GLI2: variants seen among roughly 807,000 people sequenced by gnomAD.
The protein encoded by GLI2 is transcription activator GLI2.
Under a neutral mutation model 78.9 loss-of-function variants are expected in GLI2, and 22 were observed. The ratio of observed to expected loss-of-function variants is 0.28; its 90% CI spans 0.20 to 0.40. The LOEUF (loss-of-function observed/expected upper bound fraction) is 0.40. GLI2 is among the 10% of genes least tolerant of loss of function. The pLI is 1.00. For missense variants in GLI2, 2,097 were observed against 2,213.2 expected, an observed-to-expected ratio of 0.95 and a Z score of 1.05; for synonymous variants, 974 against 963.7, an observed-to-expected ratio of 1.01 and a Z score of -0.20.
intron 3 of GLI2, among the ~76,000 whole-genome samples, chr2:120,939,894 A>T (rs1680373600): frequency 6.6e-6 from 1 of 152,214 alleles, no homozygotes; most frequent in African/African-American, 2.4e-5. Context: ...AGAGTTTGAG[A>T]GCTGGCCTTG....
chr2:120,746,392 A>G (rs759148700), intron 1 of GLI2, among the ~76,000 whole-genome samples: 7 of 152,172 alleles, frequency 4.6e-5, no homozygotes, highest in Admixed American at 4.6e-4. Flanking sequence ...GCACCCCCCC[A>G]GAAGCTGCCC....
intron 2 of GLI2, among the ~76,000 whole-genome samples, chr2:120,906,741 G>C (rs184203824): frequency 6.6e-6 from 1 of 152,222 alleles, no homozygotes; most frequent in African/African-American, 2.4e-5. Context: ...CTTCTCCCCT[G>C]TGTCCCCTCT....
At chr2:120,750,620 A>G (rs1682837795) in intron 1 of GLI2, among the ~76,000 whole-genome samples, 1 of 152,200 alleles carries the variant, frequency 6.6e-6, no homozygotes, top group African/African-American at 2.4e-5. Context: ...TGGGCACGAT[A>G]TATTTGGCAG....
intron 2 of GLI2, among the ~76,000 whole-genome samples, chr2:120,817,095 G>T (rs184995343): frequency 4.6e-5 from 7 of 152,228 alleles, no homozygotes; most frequent in Non-Finnish European, 8.8e-5. Context: ...GAGACAATGA[G>T]CGAGGAAGAC....
chr2:120,930,395 C>T (rs1679892688), intron 3 of GLI2, among the ~76,000 whole-genome samples: 1 of 152,242 alleles, frequency 6.6e-6, no homozygotes, highest in Non-Finnish European at 1.5e-5. Flanking sequence ...GGGTAGATGA[C>T]TAACCCTATG....
intron 2 of GLI2, among the ~76,000 whole-genome samples, chr2:120,867,582 C>T (rs1231953690): frequency 6.6e-6 from 1 of 152,252 alleles, no homozygotes; most frequent in Non-Finnish European, 1.5e-5. Flanking sequence ...CGTCCCTCCG[C>T]CCTCCCCGCA....
intron 2 of GLI2, among the ~76,000 whole-genome samples, chr2:120,898,370 T>C (rs1017409556): frequency 2.6e-5 from 4 of 152,176 alleles, no homozygotes; most frequent in Non-Finnish European, 4.4e-5. Flanking sequence ...TATTAAGCTT[T>C]TAAAATTGGA....
intron 2 of GLI2, among the ~76,000 whole-genome samples, chr2:120,816,618 A>G (rs941446917): frequency 2.0e-5 from 3 of 150,674 alleles, no homozygotes; most frequent in African/African-American, 7.3e-5. Context: ...TGATACAACT[A>G]TTATATTTAT....
intron 1 of GLI2, among the ~76,000 whole-genome samples, chr2:120,753,735 A>G (rs1041260353): frequency 3.3e-5 from 5 of 152,052 alleles, no homozygotes; most frequent in African/African-American, 4.8e-5. Context: ...CGTCTCTACT[A>G]AAAATACAAA....
chr2:120,854,652 G>T (rs1031701397), intron 2 of GLI2, among the ~76,000 whole-genome samples: 2 of 152,214 alleles, frequency 1.3e-5, no homozygotes, highest in Non-Finnish European at 2.9e-5. Context: ...CCTGGGACAC[G>T]CCTGAAGATG....
At chr2:120,889,227 G>A (rs1406740648) in intron 2 of GLI2, among the ~76,000 whole-genome samples, 3 of 152,256 alleles carry the variant, frequency 2.0e-5, no homozygotes, top group African/African-American at 4.8e-5. Flanking sequence ...TGAGATGCTC[G>A]AGGAAACTCA....
chr2:120,906,491 A>G (rs1678539997), intron 2 of GLI2, among the ~76,000 whole-genome samples: 1 of 152,082 alleles, frequency 6.6e-6, no homozygotes, highest in South Asian at 2.1e-4. Context: ...CGGGCAGCTC[A>G]GGCAAGAGCC....
chr2:120,937,035 C>G (rs766559578), intron 3 of GLI2, among the ~76,000 whole-genome samples: 26 of 152,322 alleles, frequency 1.7e-4, no homozygotes, highest in Non-Finnish European at 3.4e-4. Context: ...GGAGCCCCAT[C>G]CCTCCATCCC....
In GLI2 at chr2:120,971,965, G is replaced by C. The variant is rs370677655; in HGVS notation, c.1084G>C (p.Val362Leu). Residue 362 changes from valine to leucine, a missense_variant, in exon 8 of 14, where the codon GTC becomes CTC. Transcript: ENST00000361492. The stretch of plus-strand genomic sequence containing the variant: ...GAACAAGCAGAGCAGTGAGTCGGCC[G>C]TCAGCAGCACCGTCAACCCTGTCGC... ...NQNKQSSESA[V>L]SSTVNPVAIH... 6.2e-7 allele frequency: 1 copy of C among 1,613,644 alleles called. No homozygotes were observed. The highest frequency in any genetic ancestry group is 1.1e-5 in the South Asian group (1 of 91,076).
In GLI2 at chr2:120,951,336, C is replaced by T. The variant is rs140711756; in HGVS notation, c.348C>T (p.Asn116=). The change falls in exon 4 of 14, where the codon AAC becomes AAT. Residue 116 remains asparagine, a synonymous_variant. Transcript: ENST00000361492. ...CTGGCCCTGGGGAGTCCCCCTTCAA[C>T]GCCCCCCACCCGTACGTGAACCCCC... ...HPAGPGESPF[N]APHPYVNPHM... is the part of the protein sequence containing the mutation. 100 of 1,576,698 alleles carry T rather than the reference C, an allele frequency of 6.3e-5. No homozygotes were observed. The African/African-American group carries it at 8.1e-4, about 13-fold the overall frequency.
intron 10 of GLI2, 138 bp from the exon 11 acceptor site, chr2:120,982,578 T>C (rs920488129): frequency 1.5e-6 from 1 of 682,636 alleles, no homozygotes; most frequent in Non-Finnish European, 2.5e-6. Context: ...GAAAGGAAAG[T>C]AATATCCTTA....
intron 2 of GLI2, among the ~76,000 whole-genome samples, chr2:120,797,990 C>A (rs951698477): frequency 6.6e-6 from 1 of 152,202 alleles, no homozygotes; most frequent in Admixed American, 6.5e-5. Context: ...CATTTTACTG[C>A]CCCAAAGAGA....
intron 1 of GLI2, among the ~76,000 whole-genome samples, chr2:120,787,771 G>T (rs1338534985): frequency 6.6e-6 from 1 of 152,238 alleles, no homozygotes; most frequent in Non-Finnish European, 1.5e-5. Context: ...CAGCGGTGCT[G>T]GGGGAGTGGT....
intron 2 of GLI2, among the ~76,000 whole-genome samples, chr2:120,857,373 CT>C (rs1435670822): frequency 1.4e-5 from 2 of 139,464 alleles, no homozygotes; most frequent in Admixed American, 7.2e-5. Context: ...GCCCACTCAC[CT>C]ACCTACCCAT....
Sources: allele counts gnomAD v4.1 joint callset (sites outside exome capture counted in the v4.1 genomes callset), GRCh38; gene constraint gnomAD v4.1.1; transcripts MANE v1.5; gene names NCBI Gene and HGNC (gene_info 2026-07-23, HGNC 2026-07-21).